Variants in ATAD2B observed in about 807,000 individuals in gnomAD.
ATAD2B encodes ATPase family AAA domain-containing protein 2B.
In ATAD2B, 40 loss-of-function variants were observed where a neutral mutation model predicts 167.6. The ratio of observed to expected loss-of-function variants is 0.24; its 90% CI spans 0.19 to 0.31. The LOEUF (loss-of-function observed/expected upper bound fraction) is 0.31, where lower values mean the gene tolerates loss of function less well. ATAD2B is among the 10% of genes least tolerant of loss of function. ATAD2B has a pLI of 1.00. For missense variants in ATAD2B, 1,242 were observed against 1,757.2 expected (o/e 0.71, Z 5.24); for synonymous variants, 579 against 596.5 (o/e 0.97, Z 0.43).
At chr2:23,919,101 G>A (rs1703500509) in intron 1 of ATAD2B, among the ~76,000 whole-genome samples, 1 of 152,058 alleles carries the variant, frequency 6.6e-6, no homozygotes, top group South Asian at 2.1e-4. Context: ...CTAACACTTT[G>A]GAAGGCCAAG....
At chr2:23,766,730 C>T (rs1238720967) in intron 22 of ATAD2B, among the ~76,000 whole-genome samples, 2 of 152,044 alleles carry the variant, frequency 1.3e-5, no homozygotes, top group Non-Finnish European at 2.9e-5. Flanking sequence ...AAATTAACAC[C>T]TCCTCCCTCC....
chr2:23,908,533 T>C (rs1006104967), intron 1 of ATAD2B, among the ~76,000 whole-genome samples: 3 of 152,156 alleles, frequency 2.0e-5, no homozygotes, highest in Non-Finnish European at 4.4e-5. Flanking sequence ...TTTTACACTG[T>C]TGGTGGGACT....
At chr2:23,791,081 T>C (rs974568532) in intron 19 of ATAD2B, among the ~76,000 whole-genome samples, 2 of 152,208 alleles carry the variant, frequency 1.3e-5, no homozygotes, top group African/African-American at 4.8e-5. Context: ...CTGGCTTCTG[T>C]CACTTAAAAC....
At chr2:23,792,648 C>T (rs558741686) in intron 19 of ATAD2B, among the ~76,000 whole-genome samples, 6 of 151,848 alleles carry the variant, frequency 4.0e-5, no homozygotes, top group Non-Finnish European at 7.4e-5. Flanking sequence ...TGTTTACCTA[C>T]TATCCTATTT....
intron 13 of ATAD2B, 75 bp from the exon 14 acceptor site, chr2:23,834,153 T>A: frequency 1.7e-4 from 33 of 191,008 alleles, no homozygotes; most frequent in East Asian, 5.4e-4. Context: ...TCAGTCTTTC[T>A]TTTTTTTTTT....
chr2:23,699,358 G>A, the ATAD2B span, among the ~76,000 whole-genome samples: 4 of 152,314 alleles, frequency 2.6e-5, no homozygotes, highest in Middle Eastern at 3.4e-3. Context: ...GGCACTCACC[G>A]AACAGTGAGC....
At chr2:23,821,564 CAGA>C (rs1210627190) in intron 16 of ATAD2B, among the ~76,000 whole-genome samples, 3 of 152,108 alleles carry the variant, frequency 2.0e-5, no homozygotes, top group African/African-American at 7.2e-5. Context: ...ATATTTATGA[CAGA>C]AGAATTCATT....
intron 1 of ATAD2B, among the ~76,000 whole-genome samples, chr2:23,922,623 C>T (rs1290047728): frequency 1.3e-5 from 2 of 149,246 alleles, no homozygotes; most frequent in Non-Finnish European, 3.0e-5. Context: ...AGGAAGAAAA[C>T]ATTTTTTAAT....
At chr2:23,907,574 T>C (rs901312537) in intron 1 of ATAD2B, among the ~76,000 whole-genome samples, 7 of 152,288 alleles carry the variant, frequency 4.6e-5, no homozygotes, top group East Asian at 1.9e-4. Flanking sequence ...ATGCCATCCC[T>C]ATCAAGCTAC....
chr2:23,885,362 T>C (rs1698515102), intron 5 of ATAD2B, among the ~76,000 whole-genome samples: 2 of 152,204 alleles, frequency 1.3e-5, no homozygotes, highest in South Asian at 4.1e-4. Context: ...AATGATTTGT[T>C]TACACTTAGG....
the ATAD2B span, among the ~76,000 whole-genome samples, chr2:23,741,935 C>A: frequency 6.6e-6 from 1 of 151,972 alleles, no homozygotes; most frequent in African/African-American, 2.4e-5. Flanking sequence ...TTTATGCAGC[C>A]AAAAAACACA....
chr2:23,855,853 C>CA (rs1179056415), intron 13 of ATAD2B, among the ~76,000 whole-genome samples: 1 of 152,088 alleles, frequency 6.6e-6, no homozygotes, highest in East Asian at 1.9e-4. Context: ...CACACCATTG[C>CA]ACTCCAGCCT....
At chr2:23,695,733 C>T in the ATAD2B span, 2 of 1,551,498 alleles carry the variant, frequency 1.3e-6, no homozygotes, top group Non-Finnish European at 1.7e-6. The surrounding 1 kb of genome is among the most constrained non-coding windows in gnomAD (Gnocchi z 7.6). Context: ...CCTGCCGGGA[C>T]CTGGTGAACG....
chr2:23,686,164 G>A, the ATAD2B span, among the ~76,000 whole-genome samples: 1 of 224 alleles, frequency 4.5e-3, no homozygotes, highest in Admixed American at 0.056. Flanking sequence ...GGGGCAGATG[G>A]CCCTCCAGAG....
chr2:23,730,357 A>G, the ATAD2B span, among the ~76,000 whole-genome samples: 1 of 152,194 alleles, frequency 6.6e-6, no homozygotes, highest in African/African-American at 2.4e-5. Flanking sequence ...TATTCTGAAC[A>G]GAATGAAAAT....
chr2:23,744,280 G>A, downstream of ATAD2B, among the ~76,000 whole-genome samples: 1 of 147,554 alleles, frequency 6.8e-6, no homozygotes. Context: ...GCTCCTGGGA[G>A]AATTTTTTTT....
chr2:23,758,118 G>A lies in ATAD2B; in HGVS notation c.3395-17C>T, dbSNP rs1483146299. On this transcript the variant is annotated splice_polypyrimidine_tract_variant and intron_variant, in intron 24 of 27. Coordinates refer to ENST00000238789, the MANE Select transcript of ATAD2B (RefSeq NM_017552.4). ...GAACCCGAACTGTTTTACAAGGAAGGAAAAAAGATATGTAGAACTTGGAAT... is the reference window on the plus strand; with the variant it reads ...GAACCCGAACTGTTTTACAAGGAAGAAAAAAAGATATGTAGAACTTGGAAT... The A allele has an allele frequency of 2.6e-6, 4 of 1,513,628 alleles. No individual in the cohort carries two copies. The highest frequency in any genetic ancestry group is 2.2e-5 in the Admixed American group (1 of 44,640). 93.8% of individuals were successfully genotyped at this position (1,513,628 alleles called of 1,614,324 possible).
chr2:23,766,063 A>G (rs935969080), intron 22 of ATAD2B, among the ~76,000 whole-genome samples: 6 of 152,324 alleles, frequency 3.9e-5, no homozygotes, highest in African/African-American at 1.4e-4. Context: ...AAACTATGCT[A>G]AAGAATACAA....
intron 1 of ATAD2B, among the ~76,000 whole-genome samples, chr2:23,907,478 C>A (rs1262902170): frequency 1.3e-5 from 2 of 152,056 alleles, no homozygotes; most frequent in Non-Finnish European, 2.9e-5. Flanking sequence ...AGGATACAAA[C>A]AAATGGAAGA....
Sources: allele counts gnomAD v4.1 joint callset (sites outside exome capture counted in the v4.1 genomes callset), GRCh38; gene constraint gnomAD v4.1.1; non-coding constraint Gnocchi (gnomAD v3.1); transcripts MANE v1.5; gene names NCBI Gene and HGNC (gene_info 2026-07-23, HGNC 2026-07-21).